ESR1: variants seen among roughly 807,000 people sequenced by gnomAD.
ESR1 encodes estrogen receptor 1.
Under a neutral mutation model 52.7 loss-of-function variants are expected in ESR1, and 12 were observed. The ratio of observed to expected loss-of-function variants is 0.23; its 90% CI spans 0.15 to 0.37. ESR1 has a LOEUF of 0.37. Among genes scored for constraint, ESR1 ranks in the 10% least tolerant of loss-of-function variants. ESR1 has a pLI of 1.00. For synonymous variants in ESR1, 305 were observed against 316.8 expected (o/e 0.96, Z 0.39); for missense variants, 584 against 779.7 (o/e 0.75, Z 2.99).
At chr6:152,082,505 C>T (rs1283569002) in intron 6 of ESR1, among the ~76,000 whole-genome samples, 1 of 152,172 alleles carries the variant, frequency 6.6e-6, no homozygotes, top group Non-Finnish European at 1.5e-5. Flanking sequence ...CAGCCAATAT[C>T]ATACTGAATG....
Position 151,959,390 on chromosome 6 carries a change from T to C in ESR1, c.1096+14882T>C, listed in dbSNP as rs184582818. ...CCATGAACAACGTCAAATGCTTATT[T>C]TCTCATGAGCTTTTATTTTTTCCTT... On this transcript the variant is annotated intron_variant, in intron 4 of 7. Transcript: ENST00000206249. 2.5e-3 allele frequency among the ~76,000 whole-genome samples: 387 copies of C among 152,344 alleles called. 2 individuals carry two copies. Among genetic ancestry groups the C allele is most frequent in the Non-Finnish European group, 2.4e-3 (160 of 68,028 alleles).
chr6:151,749,780 T>C (rs1356952624), intron 2 of ESR1, among the ~76,000 whole-genome samples: 3 of 152,202 alleles, frequency 2.0e-5, no homozygotes, highest in Middle Eastern at 3.2e-3. Flanking sequence ...GCTACTCTGA[T>C]ATTTTTAGCT....
intron 6 of ESR1, among the ~76,000 whole-genome samples, chr6:152,080,265 G>A (rs1451192748): frequency 6.6e-6 from 1 of 151,828 alleles, no homozygotes; most frequent in Admixed American, 6.5e-5. Flanking sequence ...TACCCACAAA[G>A]GGAAGCCCAT....
rs537658735 is a variant in ESR1 at position 152,108,813 on chromosome 6, C to T, written c.851-16453C>T. On this transcript the variant is annotated intron_variant, in intron 6 of 6. Transcript: ENST00000427531. ...GGAACATTTAAACTCAGAATTACCA[C>T]GTTTAGATTTGCTTCTCCAAAAATA... Among the ~76,000 whole-genome samples the T allele has an allele frequency of 5.9e-5, 9 of 152,310 alleles. No individual in the cohort carries two copies. The East Asian group carries it at 7.7e-4, about 13-fold the overall frequency.
intron 5 of ESR1, among the ~76,000 whole-genome samples, chr6:152,052,521 T>A (rs900829881): frequency 7.9e-5 from 12 of 152,102 alleles, no homozygotes. Flanking sequence ...CAAAGCTGCT[T>A]TTGCATTAAA....
At chr6:151,719,710 C>T (rs903087187) in intron 2 of ESR1, among the ~76,000 whole-genome samples, 5 of 152,066 alleles carry the variant, frequency 3.3e-5, no homozygotes, top group Admixed American at 6.5e-5. Flanking sequence ...ACTTAATTGG[C>T]GAGCAGATTA....
chr6:151,899,042 T>C, intron 3 of ESR1, among the ~76,000 whole-genome samples: 1 of 139,070 alleles, frequency 7.2e-6, no homozygotes, highest in African/African-American at 2.8e-5. Flanking sequence ...AACCCCCACC[T>C]CCCTCCCGGA....
Position 152,092,741 on chromosome 6 carries a change from A to G in ESR1, c.1370-1644A>G, listed in dbSNP as rs555119700. ...TTATTGCTGCAGTGTTAGAAAATGC[A>G]TCCTTGTAGTCCCAAAAAAGCCTGT... On this transcript the variant is annotated intron_variant, in intron 6 of 7. Coordinates refer to ENST00000206249, the MANE Select transcript of ESR1 (RefSeq NM_000125.4). Among the ~76,000 whole-genome samples, 8 of 152,294 alleles carry G rather than the reference A, an allele frequency of 5.3e-5. No individual in the cohort carries two copies. The East Asian group carries it at 1.2e-3, about 22-fold the overall frequency.
At chr6:151,961,205 G>A (rs1584490943) in intron 4 of ESR1, among the ~76,000 whole-genome samples, 1 of 152,190 alleles carries the variant, frequency 6.6e-6, no homozygotes. Context: ...AAAGGAAAGG[G>A]AAGGAGACCA....
intron 3 of ESR1, among the ~76,000 whole-genome samples, chr6:151,905,077 G>C (rs2128417866): frequency 6.6e-6 from 1 of 152,282 alleles, no homozygotes; most frequent in Admixed American, 6.5e-5. Context: ...ACTCCAGTGA[G>C]ATAAATTTTT....
At chr6:151,956,145 A>C (rs1584457166) in intron 4 of ESR1, among the ~76,000 whole-genome samples, 1 of 152,176 alleles carries the variant, frequency 6.6e-6, no homozygotes, top group South Asian at 2.1e-4. Context: ...ATTTAGGTTG[A>C]TTCCATGTCT....
chr6:151,855,354 C>G (rs1264107357), intron 2 of ESR1, among the ~76,000 whole-genome samples: 1 of 152,110 alleles, frequency 6.6e-6, no homozygotes, highest in Non-Finnish European at 1.5e-5. Context: ...GCTGATTACT[C>G]TTCCTATTCT....
At chr6:151,905,969 C>T (rs1797384100) in intron 3 of ESR1, among the ~76,000 whole-genome samples, 1 of 152,122 alleles carries the variant, frequency 6.6e-6, no homozygotes, top group Non-Finnish European at 1.5e-5. Context: ...GAACGCTAAG[C>T]ATGTGGGAGT....
At position 152,058,110 on chromosome 6, in the gene ESR1, A is replaced by G. The variant is rs570123709; in HGVS notation, c.1236-2881A>G. ...AGAGACGTTATACTGAGAAAGGAAC[A>G]TTTCTCTATTTTGGCTATGAGTTGT... On this transcript the variant is annotated intron_variant, in intron 5 of 7. Coordinates refer to ENST00000206249, the MANE Select transcript of ESR1 (RefSeq NM_000125.4). Among the ~76,000 whole-genome samples, 4 of 152,272 alleles carry G rather than the reference A, an allele frequency of 2.6e-5. No individual in the cohort carries two copies. In the South Asian group the frequency reaches 8.3e-4, roughly 32 times the overall value.
chr6:151,916,565 G>A (rs2030257423), intron 3 of ESR1, among the ~76,000 whole-genome samples: 2 of 152,150 alleles, frequency 1.3e-5, no homozygotes, highest in Admixed American at 1.3e-4. Flanking sequence ...TTAGTGAGAA[G>A]AGTGAGATAT....
intron 2 of ESR1, among the ~76,000 whole-genome samples, chr6:151,752,090 T>C (rs1164386227): frequency 6.6e-6 from 1 of 152,180 alleles, no homozygotes; most frequent in Non-Finnish European, 1.5e-5. Flanking sequence ...GAGGTAATAG[T>C]ACCATGCCCT....
At chr6:152,034,573 C>T (rs915444670) in intron 5 of ESR1, among the ~76,000 whole-genome samples, 29 of 151,920 alleles carry the variant, frequency 1.9e-4, no homozygotes, top group African/African-American at 4.3e-4. Flanking sequence ...TTTAATTTCT[C>T]GTATTTTTTT....
rs1442248336 is a variant in ESR1, at chr6:152,102,524, C to T, written c.*3558C>T. On this transcript the variant is annotated 3_prime_UTR_variant, in exon 8 of 8. Transcript: ENST00000206249. Reference sequence around the variant, plus strand: ...TCTTGGGAGCGTGATCTAGATTACACTGCACCATTCCCAAGTTAATCCCCT... The same window carrying T: ...TCTTGGGAGCGTGATCTAGATTACATTGCACCATTCCCAAGTTAATCCCCT... 4.7e-6 allele frequency: 1 copy of T among 212,246 alleles called. No homozygotes were observed. The highest frequency in any genetic ancestry group is 5.9e-5 in the Admixed American group (1 of 17,038). 13.1% of individuals were successfully genotyped at this position (212,246 alleles called of 1,614,324 possible). A position where few individuals can be genotyped will look rare whatever the true frequency, so the allele number is the denominator to read the frequency against.
chr6:151,804,713 C>T (rs773722050), upstream of ESR1: 1 of 152,146 alleles, frequency 6.6e-6, no homozygotes, highest in Non-Finnish European at 1.5e-5. Flanking sequence ...CATAGTGTCC[C>T]AGGGCCAGAG....
Sources: gnomAD v4.1 joint callset for allele counts (sites outside exome capture counted in the v4.1 genomes callset) on GRCh38, gnomAD v4.1.1 for gene constraint, MANE v1.5 for transcripts, NCBI Gene and HGNC (gene_info 2026-07-23, HGNC 2026-07-21) for gene names.